MAPK10: variants seen among roughly 807,000 people sequenced by gnomAD.
The protein encoded by MAPK10 is mitogen-activated protein kinase 10, also known as JNK3 alpha protein kinase.
A neutral mutation model predicts 59.3 loss-of-function variants in MAPK10; 25 were observed. The observed-to-expected ratio is 0.42, with a 90% CI of 0.31 to 0.59. The LOEUF is 0.59. Ranked by LOEUF, MAPK10 falls within the 20% of genes least tolerant of loss-of-function variation. MAPK10 has a pLI of 0.15. For synonymous variants in MAPK10, 190 were observed against 200.5 expected, an observed-to-expected ratio of 0.95 and a Z score of 0.44; for missense variants, 351 against 568.9, an observed-to-expected ratio of 0.62 and a Z score of 3.90.
intron 1 of MAPK10, among the ~76,000 whole-genome samples, chr4:86,463,297 T>C (rs933473448): frequency 1.3e-5 from 2 of 152,226 alleles, no homozygotes; most frequent in Non-Finnish European, 2.9e-5. Context: ...AGACTGTGAA[T>C]GGTTTGCATT....
chr4:86,149,742 C>T (rs913826384), intron 4 of MAPK10, among the ~76,000 whole-genome samples: 21 of 152,192 alleles, frequency 1.4e-4, no homozygotes, highest in African/African-American at 4.8e-4. Flanking sequence ...TTTGCTTTAA[C>T]AGCAATTCTG....
At chr4:86,405,682 C>A (rs1235061807) in intron 1 of MAPK10, among the ~76,000 whole-genome samples, 1 of 152,200 alleles carries the variant, frequency 6.6e-6, no homozygotes, top group Non-Finnish European at 1.5e-5. Context: ...GTATTTTTCA[C>A]AGACTCAATC....
intron 1 of MAPK10, among the ~76,000 whole-genome samples, chr4:86,549,550 T>C (rs886420327): frequency 2.6e-5 from 4 of 152,204 alleles, no homozygotes; most frequent in Admixed American, 2.0e-4. Flanking sequence ...GACTGGAAGT[T>C]GCTCTGAGTG....
rs61605563 is a variant in MAPK10, at chr4:86,462,349, T to C, written c.-262-107705A>G. Among the ~76,000 whole-genome samples, 73 of 152,326 alleles carry C rather than the reference T, an allele frequency of 4.8e-4. 2 individuals carry two copies. In the East Asian group the frequency reaches 0.013, roughly 28 times the overall value. On this transcript the variant is annotated intron_variant, in intron 1 of 4. Coordinates refer to the MAPK10 transcript ENST00000502302. ...CCTGGAAAACAGAGCCAGGAGAGCC[T>C]ATAACACAGCTCCTGATTGTGCTGT...
At chr4:86,414,792 G>C (rs1210780728) in intron 1 of MAPK10, among the ~76,000 whole-genome samples, 1 of 151,634 alleles carries the variant, frequency 6.6e-6, no homozygotes, top group Non-Finnish European at 1.5e-5. Flanking sequence ...AATACAATTG[G>C]GTATTTTGGC....
At chr4:86,212,210 G>C (rs2086027599) in intron 2 of MAPK10, among the ~76,000 whole-genome samples, 2 of 152,028 alleles carry the variant, frequency 1.3e-5, no homozygotes, top group Non-Finnish European at 2.9e-5. Flanking sequence ...ATTTGCTTTA[G>C]ATCCAAAGAC....
chr4:86,570,435 T>C (rs551764039), intron 1 of MAPK10, among the ~76,000 whole-genome samples: 1 of 152,168 alleles, frequency 6.6e-6, no homozygotes, highest in Non-Finnish European at 1.5e-5. Flanking sequence ...CTGATTAGTA[T>C]ACTTGGTATT....
chr4:86,421,981 G>C (rs1305713015), intron 1 of MAPK10, among the ~76,000 whole-genome samples: 1 of 152,114 alleles, frequency 6.6e-6, no homozygotes, highest in Non-Finnish European at 1.5e-5. Context: ...CCAGTCTCAA[G>C]GCCTTTCACG....
chr4:86,463,229 G>A (rs1274733552), intron 1 of MAPK10, among the ~76,000 whole-genome samples: 1 of 152,124 alleles, frequency 6.6e-6, no homozygotes, highest in Admixed American at 6.5e-5. Context: ...ACAAAAAATT[G>A]GCCTTTAATA....
At chr4:86,127,932 C>T (rs1370481038) in intron 4 of MAPK10, among the ~76,000 whole-genome samples, 1 of 151,916 alleles carries the variant, frequency 6.6e-6, no homozygotes, top group Admixed American at 6.6e-5. Flanking sequence ...ATTGTTGACT[C>T]TAGGTTTTAA....
intron 2 of MAPK10, among the ~76,000 whole-genome samples, chr4:86,318,672 A>T (rs1174293678): frequency 6.6e-6 from 1 of 152,186 alleles, no homozygotes; most frequent in African/African-American, 2.4e-5. Flanking sequence ...GACAGTTACT[A>T]TGTTATCTAT....
intron 1 of MAPK10, among the ~76,000 whole-genome samples, chr4:86,383,894 A>G (rs1485909189): frequency 6.6e-6 from 1 of 152,210 alleles, no homozygotes; most frequent in African/African-American, 2.4e-5. Context: ...ATGCATATTA[A>G]TTCTGAAGAA....
intron 13 of MAPK10, chr4:86,026,968 C>G (rs909021161): frequency 2.0e-5 from 3 of 152,130 alleles, no homozygotes; most frequent in Non-Finnish European, 2.9e-5. Flanking sequence ...TGCCTGATTT[C>G]ACGTTGCCAA....
intron 2 of MAPK10, among the ~76,000 whole-genome samples, chr4:86,221,777 C>T (rs1288805352): frequency 6.6e-6 from 1 of 152,102 alleles, no homozygotes; most frequent in South Asian, 2.1e-4. Context: ...TGCTTACAAG[C>T]GTAAGCCACT....
intron 4 of MAPK10, among the ~76,000 whole-genome samples, chr4:86,126,815 T>C (rs2060147713): frequency 6.6e-6 from 1 of 151,838 alleles, no homozygotes; most frequent in Non-Finnish European, 1.5e-5. Context: ...CAAATACCCA[T>C]TTGTTCAAGT....
intron 2 of MAPK10, among the ~76,000 whole-genome samples, chr4:86,220,709 T>G (rs999178631): frequency 6.6e-6 from 1 of 152,248 alleles, no homozygotes; most frequent in Non-Finnish European, 1.5e-5. Context: ...AACACAATAA[T>G]ATTTTAGGTT....
At chr4:86,158,457 G>C (rs1026478125) in intron 4 of MAPK10, among the ~76,000 whole-genome samples, 1 of 151,456 alleles carries the variant, frequency 6.6e-6, no homozygotes, top group African/African-American at 2.4e-5. Context: ...TGGACATTAT[G>C]AATGTAGCAG....
chr4:86,566,359 CA>C (rs767182989), intron 1 of MAPK10, among the ~76,000 whole-genome samples: 1 of 152,154 alleles, frequency 6.6e-6, no homozygotes, highest in African/African-American at 2.4e-5. Flanking sequence ...TTACTGGGCA[CA>C]AAAAAATATG....
chr4:86,571,480 A>G (rs1159111720), intron 1 of MAPK10, among the ~76,000 whole-genome samples: 1 of 152,034 alleles, frequency 6.6e-6, no homozygotes, highest in South Asian at 2.1e-4. Flanking sequence ...ATAAAAGGAA[A>G]ACTAGAGATA....
Sources: gnomAD v4.1 joint callset for allele counts (sites outside exome capture counted in the v4.1 genomes callset) on GRCh38, gnomAD v4.1.1 for gene constraint, MANE v1.5 for transcripts, NCBI Gene and HGNC (gene_info 2026-07-23, HGNC 2026-07-21) for gene names.